Variants in ERC1 observed in about 807,000 individuals in gnomAD.
ERC1 encodes the protein ELKS/RAB6-interacting/CAST family member 1.
A neutral mutation model predicts 132.0 loss-of-function variants in ERC1; 56 were observed. The observed-to-expected ratio is 0.42, with a 90% CI of 0.34 to 0.53. The LOEUF is 0.53. Among genes scored for constraint, ERC1 ranks in the 20% least tolerant of loss-of-function variants. ERC1 has a pLI of 0.03. For missense variants in ERC1, 1,202 were observed against 1,349.9 expected (o/e 0.89, Z 1.72); for synonymous variants, 478 against 476.1 (o/e 1.00, Z -0.05).
rs538831262 is a variant in ERC1, at chr12:1,253,228, G to A, written c.2488-9806G>A. On this transcript the variant is annotated intron_variant, in intron 13 of 18. Transcript: ENST00000360905. ...CTGCAGAAAAAGGCAAAAGCTTAGG[G>A]AGATCTACCATCATCAAGTAGCTCT... 6.0e-4 allele frequency among the ~76,000 whole-genome samples: 92 copies of A among 152,284 alleles called. 1 individual carries two copies. Among genetic ancestry groups the A allele is most frequent in the African/African-American group, 2.1e-3 (88 of 41,560 alleles).
At chr12:1,244,781 AG>A in intron 13 of ERC1, 1 of 267,040 alleles carries the variant, frequency 3.7e-6, no homozygotes, top group South Asian at 3.4e-5. Context: ...GGCCTCTACA[AG>A]TGCTGGGATT....
chr12:1,168,171 C>T (rs920019600), intron 8 of ERC1, among the ~76,000 whole-genome samples: 2 of 151,972 alleles, frequency 1.3e-5, no homozygotes, highest in South Asian at 4.2e-4. Flanking sequence ...CCCAGGCTGC[C>T]GTGTAGTGGT....
intron 15 of ERC1, among the ~76,000 whole-genome samples, chr12:1,299,980 G>A (rs1755467711): frequency 6.6e-6 from 1 of 152,114 alleles, no homozygotes; most frequent in Non-Finnish European, 1.5e-5. Flanking sequence ...TTTGTCATAT[G>A]GAACCAAAAA....
At chr12:1,465,782 C>T (rs539196346) in intron 18 of ERC1, among the ~76,000 whole-genome samples, 9 of 152,352 alleles carry the variant, frequency 5.9e-5, no homozygotes, top group South Asian at 4.1e-4. Context: ...CAGCCCTCCA[C>T]GGCAGCACTA....
At chr12:997,831 A>G (rs1420184677) in intron 1 of ERC1, among the ~76,000 whole-genome samples, 1 of 152,192 alleles carries the variant, frequency 6.6e-6, no homozygotes, top group Admixed American at 6.6e-5. Flanking sequence ...TAAAAGGACT[A>G]TATGAGAAGA....
At chr12:1,081,512 GT>G (rs2154188182) in intron 2 of ERC1, among the ~76,000 whole-genome samples, 1 of 152,258 alleles carries the variant, frequency 6.6e-6, no homozygotes, top group African/African-American at 2.4e-5. Flanking sequence ...CTTGGTTCTA[GT>G]TTTAGTGGGC....
At chr12:1,016,849 C>T (rs1053036838) in intron 1 of ERC1, among the ~76,000 whole-genome samples, 6 of 151,688 alleles carry the variant, frequency 4.0e-5, no homozygotes, top group East Asian at 3.9e-4. Context: ...TGGGGCTTCA[C>T]CATGTTAGCC....
At chr12:1,180,516 C>T (rs764073348) in intron 8 of ERC1, 24 bp from the exon 9 acceptor site, 60 of 1,608,418 alleles carry the variant, frequency 3.7e-5, no homozygotes, top group Non-Finnish European at 4.8e-5. Flanking sequence ...CTCTCTTTTC[C>T]CTTAAATATT....
chr12:1,289,037 T>C (rs1200953884), intron 14 of ERC1, among the ~76,000 whole-genome samples: 9 of 149,216 alleles, frequency 6.0e-5, no homozygotes, highest in East Asian at 3.9e-4. Flanking sequence ...TTTTTTTTTT[T>C]CCCCATGTCA....
At chr12:1,073,851 G>A (rs959321834) in intron 2 of ERC1, among the ~76,000 whole-genome samples, 1 of 141,542 alleles carries the variant, frequency 7.1e-6, no homozygotes, top group African/African-American at 2.5e-5. Flanking sequence ...TGATGGCTAT[G>A]ACCAATGTGA....
At chr12:1,143,838 T>C (rs1328618879) in intron 8 of ERC1, among the ~76,000 whole-genome samples, 1 of 152,160 alleles carries the variant, frequency 6.6e-6, no homozygotes, top group Non-Finnish European at 1.5e-5. Flanking sequence ...TTCTTTTTGT[T>C]ATAAAGTGTT....
chr12:1,148,241 TA>T (rs1193579415), intron 8 of ERC1, among the ~76,000 whole-genome samples: 1 of 152,210 alleles, frequency 6.6e-6, no homozygotes, highest in Non-Finnish European at 1.5e-5. Flanking sequence ...TGAGACTAAG[TA>T]ATTTATGAAG....
intron 2 of ERC1, among the ~76,000 whole-genome samples, chr12:1,069,903 T>C (rs1940010690): frequency 6.6e-6 from 1 of 152,210 alleles, no homozygotes; most frequent in Non-Finnish European, 1.5e-5. Context: ...TGTGAACCCA[T>C]ATTATAAAGT....
intron 18 of ERC1, among the ~76,000 whole-genome samples, chr12:1,450,954 C>A (rs1051960967): frequency 6.6e-6 from 1 of 152,070 alleles, no homozygotes; most frequent in Non-Finnish European, 1.5e-5. Context: ...TCTGTTTTTT[C>A]TTTGGAGAAA....
intron 17 of ERC1, among the ~76,000 whole-genome samples, chr12:1,416,929 C>T (rs1020996656): frequency 6.6e-6 from 1 of 152,070 alleles, no homozygotes; most frequent in African/African-American, 2.4e-5. Context: ...CATTAATACC[C>T]TTCCTGCTTT....
chr12:1,215,142 G>A (rs113629199), intron 12 of ERC1, among the ~76,000 whole-genome samples: 114 of 152,226 alleles, frequency 7.5e-4, no homozygotes, highest in African/African-American at 2.6e-3. Context: ...AATACCCTAT[G>A]TAGTTTCATT....
At chr12:1,434,504 C>T (rs2092896028) in intron 17 of ERC1, among the ~76,000 whole-genome samples, 1 of 152,208 alleles carries the variant, frequency 6.6e-6, no homozygotes, top group South Asian at 2.1e-4. Context: ...TGCTGGCGCT[C>T]TGCTGTTCCC....
chr12:1,309,663 A>G (rs1260366529), intron 15 of ERC1, among the ~76,000 whole-genome samples: 1 of 150,790 alleles, frequency 6.6e-6, no homozygotes, highest in Admixed American at 6.6e-5. Context: ...AGACACACAC[A>G]TAGTGAAATA....
intron 18 of ERC1, among the ~76,000 whole-genome samples, chr12:1,467,181 A>G (rs537124778): frequency 1.3e-5 from 2 of 152,344 alleles, no homozygotes; most frequent in African/African-American, 4.8e-5. Context: ...GGACACTAAC[A>G]TCTTATTGCC....
Sources: allele counts gnomAD v4.1 joint callset (sites outside exome capture counted in the v4.1 genomes callset), GRCh38; gene constraint gnomAD v4.1.1; transcripts MANE v1.5; gene names NCBI Gene and HGNC (gene_info 2026-07-23, HGNC 2026-07-21).